Variants in WDPCP observed in about 807,000 individuals in gnomAD.
WDPCP encodes the protein WD repeat-containing and planar cell polarity effector protein fritz homolog.
In WDPCP, 71 loss-of-function variants were observed where a neutral mutation model predicts 93.1. The observed-to-expected ratio is 0.76, with a 90% confidence interval of 0.63 to 0.93. The LOEUF (loss-of-function observed/expected upper bound fraction) is 0.93, where lower values mean the gene tolerates loss of function less well. Among genes scored for constraint, WDPCP ranks in the 40% least tolerant of loss-of-function variants. The pLI is 0.00. For missense variants in WDPCP, 844 were observed against 887.4 expected, an observed-to-expected ratio of 0.95 and a Z score of 0.62; for synonymous variants, 315 against 315.0, an observed-to-expected ratio of 1.00 and a Z score of 0.00.
chr2:63,308,817 A>G (rs1047245923), intron 13 of WDPCP, among the ~76,000 whole-genome samples: 1 of 152,150 alleles, frequency 6.6e-6, no homozygotes, highest in African/African-American at 2.4e-5. Context: ...GGGTGCAGAA[A>G]ACCAATGGCA....
At chr2:63,204,336 CTTTTTT>C (rs397872785) in intron 14 of WDPCP, among the ~76,000 whole-genome samples, 1 of 92,292 alleles carries the variant, frequency 1.1e-5, no homozygotes, top group African/African-American at 3.9e-5. Flanking sequence ...GCCCGTTTGC[CTTTTTT>C]TTTTTTTTTT....
chr2:63,605,176 T>A, intron 3 of WDPCP: 1 of 752,036 alleles, frequency 1.3e-6, no homozygotes, highest in Non-Finnish European at 2.2e-6. Flanking sequence ...GGGGAAACAT[T>A]AAGCTCTGGT....
At chr2:63,276,266 T>G (rs1434311901) in intron 13 of WDPCP, among the ~76,000 whole-genome samples, 1 of 152,082 alleles carries the variant, frequency 6.6e-6, no homozygotes, top group East Asian at 1.9e-4. Context: ...TCTGATATAG[T>G]CCACCAAATG....
chr2:63,142,917 TACATATAC>T, intron 17 of WDPCP, among the ~76,000 whole-genome samples: 2 of 123,974 alleles, frequency 1.6e-5, no homozygotes, highest in East Asian at 6.6e-4. Context: ...TATATACACA[TACATATAC>T]ACACACACAC....
intron 2 of WDPCP, among the ~76,000 whole-genome samples, chr2:63,699,767 C>T (rs1000507511): frequency 4.6e-5 from 7 of 152,132 alleles, no homozygotes; most frequent in African/African-American, 1.7e-4. Context: ...TGATTGCCAT[C>T]GATTGTAACA....
At chr2:63,689,541 T>C (rs895574119) in intron 2 of WDPCP, among the ~76,000 whole-genome samples, 9 of 152,172 alleles carry the variant, frequency 5.9e-5, no homozygotes, top group African/African-American at 2.2e-4. Context: ...CCCAAGTAAC[T>C]GAAACTCCTG....
intron 2 of WDPCP, chr2:63,751,563 T>C (rs1443155457): frequency 3.5e-5 from 14 of 397,490 alleles, no homozygotes; most frequent in Non-Finnish European, 4.8e-5. Flanking sequence ...AAACATGTCT[T>C]TTTTTTTATA....
At chr2:63,466,394 CAT>C (rs748736228) in intron 6 of WDPCP, among the ~76,000 whole-genome samples, 3 of 151,366 alleles carry the variant, frequency 2.0e-5, no homozygotes, top group Non-Finnish European at 2.9e-5. Context: ...GTTACATTGA[CAT>C]ATATATATAT....
At chr2:63,836,831 A>T in the WDPCP span, among the ~76,000 whole-genome samples, 7 of 152,346 alleles carry the variant, frequency 4.6e-5, no homozygotes, top group Non-Finnish European at 1.0e-4. Flanking sequence ...TCAACTTTCA[A>T]AGGAGAATCT....
intron 2 of WDPCP, among the ~76,000 whole-genome samples, chr2:63,674,717 C>CAA (rs5831668): frequency 1.4e-5 from 2 of 144,724 alleles, no homozygotes; most frequent in African/African-American, 5.1e-5. Flanking sequence ...CTTGACGCTA[C>CAA]AAAAAAAAAA....
At chr2:63,552,244 T>G (rs1253730686) in intron 1 of WDPCP, among the ~76,000 whole-genome samples, 2 of 151,208 alleles carry the variant, frequency 1.3e-5, no homozygotes, top group Non-Finnish European at 2.9e-5. Context: ...GAATGAAGAC[T>G]TATAAAAAAT....
At chr2:63,494,919 C>CA (rs34227025) in intron 1 of WDPCP, among the ~76,000 whole-genome samples, 7,573 of 68,908 alleles carry the variant, frequency 0.11, 880 homozygotes, top group African/African-American at 0.31. Flanking sequence ...GACTCCGTCT[C>CA]AAAAAAAAAA....
chr2:63,576,723 A>G (rs879486828), intron 1 of WDPCP, among the ~76,000 whole-genome samples: 3 of 152,134 alleles, frequency 2.0e-5, no homozygotes, highest in Non-Finnish European at 4.4e-5. Flanking sequence ...CAGCCCCCCA[A>G]TCCTGAGGCT....
intron 2 of WDPCP, among the ~76,000 whole-genome samples, chr2:63,652,072 G>C (rs916241305): frequency 2.0e-5 from 3 of 152,190 alleles, no homozygotes; most frequent in African/African-American, 7.2e-5. Flanking sequence ...CAATTCTGAA[G>C]GGCCATTTGT....
In WDPCP at chr2:63,756,011, T is replaced by G. The variant is rs1022299979; in HGVS notation, n.308+57611A>C. On this transcript the variant is annotated intron_variant and non_coding_transcript_variant, in intron 2 of 4. Transcript: ENST00000467687. ...AAGATTAAATATTGAACCAAAAGAT[T>G]TTTTAATTAGTTTTGCTTAATGAGG... 2.0e-5 allele frequency among the ~76,000 whole-genome samples: 3 copies of G among 152,222 alleles called. No homozygotes were observed. In the East Asian group the frequency reaches 5.8e-4, roughly 29 times the overall value.
chr2:63,778,211 G>GTT (rs1158544879), intron 2 of WDPCP, among the ~76,000 whole-genome samples: 2 of 120,862 alleles, frequency 1.7e-5, no homozygotes, highest in African/African-American at 8.6e-5. Context: ...CTTGTTTTTT[G>GTT]TTTTTTGTTT....
chr2:63,553,696 A>G (rs1240485704), intron 1 of WDPCP, among the ~76,000 whole-genome samples: 2 of 152,152 alleles, frequency 1.3e-5, no homozygotes, highest in African/African-American at 4.8e-5. Context: ...TCATAGGGAT[A>G]TTCAATTTTA....
rs1296139826 is a variant in WDPCP at position 63,576,719 on chromosome 2, C to T, written c.75+11478G>A. The stretch of plus-strand genomic sequence containing the variant: ...AGTTGGCTCCTCTGGCAACCAGCCC[C>T]CCAATCCTGAGGCTATCCAGGACTC... On this transcript the variant is annotated intron_variant, in intron 1 of 17. Transcript: ENST00000272321. 2.6e-5 allele frequency among the ~76,000 whole-genome samples: 4 copies of T among 152,192 alleles called. No homozygotes were observed. In the South Asian group the frequency reaches 6.2e-4, roughly 24 times the overall value.
At chr2:63,265,851 G>T (rs1237177071) in intron 13 of WDPCP, among the ~76,000 whole-genome samples, 2 of 152,146 alleles carry the variant, frequency 1.3e-5, no homozygotes, top group Admixed American at 6.6e-5. Context: ...CGCAAGTATG[G>T]TTCAACATAT....
Sources: allele counts gnomAD v4.1 joint callset (sites outside exome capture counted in the v4.1 genomes callset), GRCh38; gene constraint gnomAD v4.1.1; transcripts MANE v1.5; gene names NCBI Gene and HGNC (gene_info 2026-07-23, HGNC 2026-07-21).